CDH8: variants seen among roughly 807,000 people sequenced by gnomAD.
The protein encoded by CDH8 is cadherin-8.
CDH8 carries 17 observed loss-of-function variants against 68.1 expected under a neutral mutation model. The observed-to-expected ratio is 0.25, with a 90% CI of 0.17 to 0.37. The LOEUF is 0.37. CDH8 is among the 10% of genes least tolerant of loss of function. The pLI is 1.00. For synonymous variants in CDH8, 372 were observed against 365.1 expected, an observed-to-expected ratio of 1.02 and a Z score of -0.21; for missense variants, 763 against 999.3, an observed-to-expected ratio of 0.76 and a Z score of 3.19.
At chr16:61,832,330 TAATAGATA>T (rs1221703249) in intron 4 of CDH8, among the ~76,000 whole-genome samples, 1 of 128,842 alleles carries the variant, frequency 7.8e-6, no homozygotes, top group African/African-American at 2.9e-5. Context: ...GACAGATAGA[TAATAGATA>T]GATAGATAGA....
intron 3 of CDH8, among the ~76,000 whole-genome samples, chr16:61,862,972 T>C (rs1341674381): frequency 1.3e-5 from 2 of 152,122 alleles, no homozygotes; most frequent in Non-Finnish European, 2.9e-5. Context: ...TGACTATAAA[T>C]TTGACACTGT....
intron 10 of CDH8, among the ~76,000 whole-genome samples, chr16:61,681,972 T>C (rs753267288): frequency 3.3e-5 from 5 of 151,890 alleles, no homozygotes; most frequent in Non-Finnish European, 4.4e-5. Context: ...TCATTGAATC[T>C]CTGGGAAAAT....
At chr16:61,792,891 C>T (rs1027458069) in intron 7 of CDH8, among the ~76,000 whole-genome samples, 1 of 151,936 alleles carries the variant, frequency 6.6e-6, no homozygotes, top group African/African-American at 2.4e-5. Context: ...TGGTGACATC[C>T]TTGAATGCCT....
At chr16:61,821,605 C>A (rs953068655) in intron 5 of CDH8, among the ~76,000 whole-genome samples, 1 of 152,028 alleles carries the variant, frequency 6.6e-6, no homozygotes, top group African/African-American at 2.4e-5. Flanking sequence ...TGATAAAATT[C>A]AATTACTGAA....
At chr16:61,883,146 G>T (rs892595098) in intron 3 of CDH8, among the ~76,000 whole-genome samples, 1 of 152,058 alleles carries the variant, frequency 6.6e-6, no homozygotes, top group Non-Finnish European at 1.5e-5. Context: ...AATATTTAGA[G>T]TATGTATCCT....
At chr16:61,899,372 A>G (rs781472061) in intron 3 of CDH8, among the ~76,000 whole-genome samples, 4 of 152,164 alleles carry the variant, frequency 2.6e-5, no homozygotes, top group Non-Finnish European at 4.4e-5. Context: ...GACAATGTGG[A>G]TTAACAGCTT....
intron 8 of CDH8, among the ~76,000 whole-genome samples, chr16:61,745,587 TTTTC>T (rs567460369): frequency 1.3e-5 from 2 of 151,012 alleles, no homozygotes; most frequent in South Asian, 4.1e-4. Context: ...TTTTTGTCTC[TTTTC>T]TTTCTTTTTT....
intron 10 of CDH8, among the ~76,000 whole-genome samples, chr16:61,687,098 G>A (rs1347456690): frequency 1.3e-5 from 2 of 151,830 alleles, no homozygotes; most frequent in Admixed American, 1.3e-4. Flanking sequence ...AGGTTGTGAT[G>A]GATTAAATGA....
intron 8 of CDH8, among the ~76,000 whole-genome samples, chr16:61,759,903 A>G (rs1167319582): frequency 6.6e-6 from 1 of 152,180 alleles, no homozygotes; most frequent in East Asian, 1.9e-4. Flanking sequence ...TTGTGTCAAT[A>G]TCAGAGCTGC....
At chr16:61,990,689 C>T (rs73568715) in intron 2 of CDH8, among the ~76,000 whole-genome samples, 5,362 of 151,986 alleles carry the variant, frequency 0.035, 326 homozygotes, top group African/African-American at 0.12. Context: ...GCCAGTGTGG[C>T]GGTGCACACC....
intron 2 of CDH8, among the ~76,000 whole-genome samples, chr16:61,982,669 A>G (rs901090601): frequency 6.6e-6 from 1 of 152,346 alleles, no homozygotes; most frequent in Non-Finnish European, 1.5e-5. Flanking sequence ...TGCCAGGTCC[A>G]TAGACAGTAC....
At chr16:61,658,983 A>G (rs1223097416) in intron 10 of CDH8, among the ~76,000 whole-genome samples, 1 of 152,160 alleles carries the variant, frequency 6.6e-6, no homozygotes, top group African/African-American at 2.4e-5. Flanking sequence ...AAACCTGTTT[A>G]AAATTTAGTT....
rs2143166794 is a variant in CDH8, at chr16:61,886,936, G to C, written c.547+14243C>G. 2.6e-5 allele frequency among the ~76,000 whole-genome samples: 4 copies of C among 152,302 alleles called. 1 individual carries two copies. The highest frequency in any genetic ancestry group is 2.6e-4 in the Admixed American group (4 of 15,286). On this transcript the variant is annotated intron_variant, in intron 3 of 11. Coordinates refer to ENST00000577390, the MANE Select transcript of CDH8 (RefSeq NM_001796.5). ...CACACTGACAATAGAGTGATGCATA[G>C]TAACTAGAGAATACACACAGCATGA...
At chr16:61,666,598 G>A (rs1442726808) in intron 10 of CDH8, among the ~76,000 whole-genome samples, 1 of 151,854 alleles carries the variant, frequency 6.6e-6, no homozygotes, top group Non-Finnish European at 1.5e-5. Context: ...AATATTTATG[G>A]CAAAATAAAT....
intron 9 of CDH8, among the ~76,000 whole-genome samples, chr16:61,716,595 T>C (rs1434360953): frequency 1.3e-5 from 2 of 151,632 alleles, no homozygotes; most frequent in African/African-American, 4.8e-5. Flanking sequence ...AGATTCATAT[T>C]CATAGTTCTC....
chr16:61,740,058 C>A (rs1421090240), intron 8 of CDH8, among the ~76,000 whole-genome samples: 2 of 151,496 alleles, frequency 1.3e-5, no homozygotes, highest in East Asian at 2.0e-4. Context: ...CAGGCGCATG[C>A]CACCACGCCC....
intron 10 of CDH8, among the ~76,000 whole-genome samples, chr16:61,699,495 T>C (rs1031762280): frequency 2.0e-5 from 3 of 152,224 alleles, no homozygotes; most frequent in Non-Finnish European, 2.9e-5. Flanking sequence ...TTTTTCAGTT[T>C]GTCTACACTT....
intron 8 of CDH8, among the ~76,000 whole-genome samples, chr16:61,777,326 C>A (rs1960926748): frequency 6.6e-6 from 1 of 152,112 alleles, no homozygotes; most frequent in Admixed American, 6.6e-5. Context: ...CAGTTAGCAG[C>A]AACTCGCACC....
At chr16:61,666,279 C>A (rs571086217) in intron 10 of CDH8, among the ~76,000 whole-genome samples, 2 of 151,498 alleles carry the variant, frequency 1.3e-5, no homozygotes, top group African/African-American at 4.9e-5. Context: ...TGGAACATAT[C>A]CCCTGCAGAT....
Sources: allele counts gnomAD v4.1 joint callset (sites outside exome capture counted in the v4.1 genomes callset), GRCh38; gene constraint gnomAD v4.1.1; transcripts MANE v1.5; gene names NCBI Gene and HGNC (gene_info 2026-07-23, HGNC 2026-07-21).